PRKCB: variants seen among roughly 807,000 people sequenced by gnomAD.
PRKCB encodes the protein protein kinase C beta type.
Under a neutral mutation model 81.5 loss-of-function variants are expected in PRKCB, and 13 were observed. The observed-to-expected ratio is 0.16, with a 90% CI of 0.10 to 0.25. The LOEUF is 0.25. Among genes scored for constraint, PRKCB ranks in the 10% least tolerant of loss-of-function variants. PRKCB has a pLI of 1.00. For missense variants in PRKCB, 509 were observed against 875.7 expected (o/e 0.58, Z 5.29); for synonymous variants, 335 against 321.4 (o/e 1.04, Z -0.45).
At chr16:23,882,025 C>CTCTTTCTTTCTTTCTTTCT (rs1597226197) in intron 2 of PRKCB, among the ~76,000 whole-genome samples, 6 of 18,364 alleles carry the variant, frequency 3.3e-4, no homozygotes, top group Non-Finnish European at 7.1e-4. Context: ...TTTCTTTCTT[C>CTCTTTCTTTCTTTCTTTCT]CTTCCTTCCT....
intron 2 of PRKCB, among the ~76,000 whole-genome samples, chr16:23,884,757 T>A (rs529326297): frequency 3.9e-5 from 6 of 151,966 alleles, no homozygotes; most frequent in Non-Finnish European, 8.8e-5. Context: ...CCCAGACTGG[T>A]CTCAAACTCC....
chr16:24,167,961 G>A (rs997159119), intron 10 of PRKCB, among the ~76,000 whole-genome samples: 2 of 152,164 alleles, frequency 1.3e-5, no homozygotes, highest in Admixed American at 6.5e-5. Flanking sequence ...AATATGTAAA[G>A]CATTCAGCTC....
chr16:24,063,555 A>T (rs1328442313), intron 5 of PRKCB, among the ~76,000 whole-genome samples: 1 of 152,158 alleles, frequency 6.6e-6, no homozygotes. Flanking sequence ...TTGGCCTCTC[A>T]GAGTGCTGGG....
chr16:24,195,756 G>A (rs1339364142), intron 16 of PRKCB, among the ~76,000 whole-genome samples: 1 of 152,168 alleles, frequency 6.6e-6, no homozygotes, highest in Non-Finnish European at 1.5e-5. Flanking sequence ...TGTTGCCCCA[G>A]TCTCGTATCT....
rs184011265 is a variant in PRKCB at position 23,996,845 on chromosome 16, C to T, written c.288+8255C>T. Among the ~76,000 whole-genome samples the T allele has an allele frequency of 3.2e-3, 483 of 152,154 alleles. 1 individual carries two copies. The highest frequency in any genetic ancestry group is 0.011 in the African/African-American group (460 of 41,516). On this transcript the variant is annotated intron_variant, in intron 3 of 16. Transcript: ENST00000643927. ...GTCAGTTATGTTGCCAGCTAGGTAG[C>T]AATACCTTGCATGCCTGGGCAAGAT...
At chr16:23,914,193 AT>A (rs965707726) in intron 2 of PRKCB, among the ~76,000 whole-genome samples, 5 of 151,988 alleles carry the variant, frequency 3.3e-5, no homozygotes, top group African/African-American at 1.2e-4. Context: ...TTATTTTATT[AT>A]TTTTGGGATG....
In PRKCB at chr16:23,841,649, C is replaced by CTTTTTTT. The variant is rs59288831; in HGVS notation, c.205+4261_205+4267dup. 1.0e-3 allele frequency among the ~76,000 whole-genome samples: 60 copies of CTTTTTTT among 59,040 alleles called. 2 individuals carry two copies. The highest frequency in any genetic ancestry group is 3.0e-3 in the East Asian group (5 of 1,640). The allele number at this position is 59,040 out of a possible 152,430, so 38.7% of individuals were successfully genotyped here. On this transcript the variant is annotated intron_variant, in intron 2 of 16. Coordinates refer to ENST00000643927, the MANE Select transcript of PRKCB (RefSeq NM_002738.7). ...ACTGCAGGTGTGTGTCACCACGGCC[C>CTTTTTTT]TTTTTTTTTTTTTTTTTTTTTTTTG...
At chr16:23,907,646 T>G (rs950143364) in intron 2 of PRKCB, among the ~76,000 whole-genome samples, 1 of 152,192 alleles carries the variant, frequency 6.6e-6, no homozygotes. Flanking sequence ...TGGCTCCAGA[T>G]GTCTGGGAGG....
At chr16:24,029,938 G>A (rs140294092) in intron 3 of PRKCB, among the ~76,000 whole-genome samples, 1 of 152,110 alleles carries the variant, frequency 6.6e-6, no homozygotes, top group African/African-American at 2.4e-5. Flanking sequence ...TTGCTCTCTT[G>A]CCCAGGCTGG....
At chr16:23,886,363 C>G (rs192219392) in intron 2 of PRKCB, among the ~76,000 whole-genome samples, 1 of 148,614 alleles carries the variant, frequency 6.7e-6, no homozygotes, top group Non-Finnish European at 1.5e-5. Flanking sequence ...GTCATCTTTA[C>G]CTCTTAGAGT....
chr16:24,106,484 C>T (rs979727983), intron 7 of PRKCB, among the ~76,000 whole-genome samples: 1 of 152,142 alleles, frequency 6.6e-6, no homozygotes, highest in Non-Finnish European at 1.5e-5. Context: ...ACTGTGCATA[C>T]TATTTGGTAC....
chr16:23,891,827 T>C (rs1291305737), intron 2 of PRKCB, among the ~76,000 whole-genome samples: 1 of 152,208 alleles, frequency 6.6e-6, no homozygotes, highest in Non-Finnish European at 1.5e-5. Context: ...GTCCATCACA[T>C]TGACGCAGGA....
chr16:23,947,919 C>T (rs917888543), intron 2 of PRKCB, among the ~76,000 whole-genome samples: 27 of 128,924 alleles, frequency 2.1e-4, no homozygotes, highest in Non-Finnish European at 2.6e-4. Flanking sequence ...TTTGTGAATT[C>T]GCCACCTCAT....
chr16:24,068,023 GT>G (rs1392353224), intron 5 of PRKCB, among the ~76,000 whole-genome samples: 2 of 152,020 alleles, frequency 1.3e-5, no homozygotes, highest in Admixed American at 1.3e-4. Context: ...CCTTCTGGTG[GT>G]GATCGAGCTC....
At chr16:23,944,575 G>A (rs1234934885) in intron 2 of PRKCB, among the ~76,000 whole-genome samples, 6 of 152,180 alleles carry the variant, frequency 3.9e-5, no homozygotes, top group Admixed American at 3.3e-4. Flanking sequence ...ATGATCTCAT[G>A]ATCTCTGTGT....
intron 2 of PRKCB, among the ~76,000 whole-genome samples, chr16:23,944,319 A>C (rs948627683): frequency 1.3e-5 from 2 of 152,230 alleles, no homozygotes; most frequent in Non-Finnish European, 1.5e-5. Flanking sequence ...GCTTTAATAT[A>C]GCTTAAAATT....
chr16:23,885,546 A>T (rs1332339058), intron 2 of PRKCB, among the ~76,000 whole-genome samples: 1 of 152,080 alleles, frequency 6.6e-6, no homozygotes, highest in African/African-American at 2.4e-5. Flanking sequence ...TGACCTAGTG[A>T]TCTACCTGCC....
chr16:23,902,353 C>G (rs1963487023), intron 2 of PRKCB, among the ~76,000 whole-genome samples: 1 of 152,082 alleles, frequency 6.6e-6, no homozygotes, highest in Non-Finnish European at 1.5e-5. Flanking sequence ...CACTGCATAC[C>G]CCTCACCCAA....
At chr16:23,984,422 C>T (rs1488508662) in intron 2 of PRKCB, among the ~76,000 whole-genome samples, 1 of 152,180 alleles carries the variant, frequency 6.6e-6, no homozygotes, top group East Asian at 1.9e-4. Context: ...CCAGAATTCA[C>T]ATTCCCAACC....
Sources: gnomAD v4.1 joint callset for allele counts (sites outside exome capture counted in the v4.1 genomes callset) on GRCh38, gnomAD v4.1.1 for gene constraint, MANE v1.5 for transcripts, NCBI Gene and HGNC (gene_info 2026-07-23, HGNC 2026-07-21) for gene names.